The following PDE10A variants were observed in gnomAD, a reference collection of about 807,000 sequenced individuals.
PDE10A encodes the protein cAMP and cAMP-inhibited cGMP 3',5'-cyclic phosphodiesterase 10A.
In PDE10A, 39 loss-of-function variants were observed where a neutral mutation model predicts 97.7. The observed-to-expected ratio is 0.40, with a 90% CI of 0.31 to 0.52. The LOEUF (loss-of-function observed/expected upper bound fraction) is 0.52, where lower values mean the gene tolerates loss of function less well. PDE10A is among the 20% of genes least tolerant of loss of function. PDE10A has a pLI of 0.56. For synonymous variants in PDE10A, 371 were observed against 376.8 expected (o/e 0.98, Z 0.18); for missense variants, 731 against 1,047.8 (o/e 0.70, Z 4.17).
chr6:165,501,422 G>C (rs1371966343), intron 2 of PDE10A, among the ~76,000 whole-genome samples: 2 of 152,078 alleles, frequency 1.3e-5, no homozygotes, highest in East Asian at 1.9e-4. Flanking sequence ...TTAGCCAGGC[G>C]TGGTGGCGGG....
chr6:165,495,955 A>G (rs1377765114), intron 2 of PDE10A, among the ~76,000 whole-genome samples: 1 of 152,014 alleles, frequency 6.6e-6, no homozygotes, highest in Non-Finnish European at 1.5e-5. Flanking sequence ...TAACTATATC[A>G]TACAGCGAGT....
chr6:165,521,901 C>T (rs1782149740), intron 2 of PDE10A, among the ~76,000 whole-genome samples: 2 of 152,164 alleles, frequency 1.3e-5, no homozygotes. Context: ...AATTTGACTA[C>T]TCATATAAGT....
intron 1 of PDE10A, among the ~76,000 whole-genome samples, chr6:165,577,056 T>C (rs765166649): frequency 2.6e-5 from 4 of 152,190 alleles, no homozygotes; most frequent in Non-Finnish European, 5.9e-5. Flanking sequence ...ATTAGCAAAG[T>C]GGGAAGGGTA....
chr6:165,406,420 A>G (rs1196438433), intron 13 of PDE10A, among the ~76,000 whole-genome samples: 1 of 152,188 alleles, frequency 6.6e-6, no homozygotes, highest in African/African-American at 2.4e-5. Context: ...ATCATCTATA[A>G]TTACAAATTT....
At chr6:165,621,339 T>G (rs1402409224) in intron 1 of PDE10A, among the ~76,000 whole-genome samples, 1 of 151,792 alleles carries the variant, frequency 6.6e-6, no homozygotes, top group African/African-American at 2.4e-5. Context: ...TTTAAAGCAT[T>G]GCCTATAATG....
chr6:165,809,813 C>A (rs1040973787), intron 1 of PDE10A, among the ~76,000 whole-genome samples: 1 of 152,294 alleles, frequency 6.6e-6, no homozygotes. Context: ...CTGGAACGGG[C>A]GGCATCAGGG....
At chr6:165,432,898 T>C in intron 7 of PDE10A, 76 bp downstream of exon 7, 2 of 1,017,596 alleles carry the variant, frequency 2.0e-6, no homozygotes, top group Non-Finnish European at 3.0e-6. Context: ...TTAGTATTAC[T>C]TAGCAATACT....
intron 1 of PDE10A, among the ~76,000 whole-genome samples, chr6:165,721,251 C>G (rs1027702481): frequency 6.6e-6 from 1 of 152,172 alleles, no homozygotes; most frequent in African/African-American, 2.4e-5. Context: ...GAAGTGTTTA[C>G]GATTTAATGC....
chr6:165,677,149 C>T (rs1002860895), intron 1 of PDE10A, among the ~76,000 whole-genome samples: 3 of 152,212 alleles, frequency 2.0e-5, no homozygotes. Flanking sequence ...AACGTTAGAT[C>T]CGTCAACTTT....
intron 1 of PDE10A, among the ~76,000 whole-genome samples, chr6:165,698,760 G>A (rs1403701620): frequency 1.3e-5 from 2 of 152,176 alleles, no homozygotes; most frequent in South Asian, 2.1e-4. Context: ...TGAATTGTTT[G>A]AACCCAGGAG....
chr6:165,361,113 G>A (rs1200350042), intron 18 of PDE10A, among the ~76,000 whole-genome samples: 2 of 152,152 alleles, frequency 1.3e-5, no homozygotes, highest in African/African-American at 2.4e-5. Context: ...ATAATCTTAT[G>A]TGTGTACAGA....
chr6:165,935,838 C>T (rs1306184843), intron 1 of PDE10A, among the ~76,000 whole-genome samples: 1 of 152,180 alleles, frequency 6.6e-6, no homozygotes, highest in Non-Finnish European at 1.5e-5. Flanking sequence ...CTATCTGATG[C>T]CTTCCACCAT....
intron 1 of PDE10A, among the ~76,000 whole-genome samples, chr6:165,796,382 G>A (rs138387193): frequency 0.022 from 3,372 of 152,144 alleles, 44 homozygotes; most frequent in Middle Eastern, 0.085. Context: ...CACCGCACCT[G>A]GCCTGCACAT....
rs543213302 is a variant in PDE10A at position 165,464,384 on chromosome 6, C to G, written c.1024-14022G>C. 3.3e-5 allele frequency among the ~76,000 whole-genome samples: 5 copies of G among 152,268 alleles called. No individual in the cohort carries two copies. The East Asian group carries it at 9.6e-4, about 29-fold the overall frequency. On this transcript the variant is annotated intron_variant, in intron 3 of 21. Transcript: ENST00000539869. ...TTTCCATATTTGTAATTACCTCACC[C>G]AACATGTGAAATCTGGCTGTCAATA... is the stretch of plus-strand genomic sequence containing the variant.
intron 1 of PDE10A, among the ~76,000 whole-genome samples, chr6:165,960,893 G>GC (rs1341538646): frequency 6.6e-6 from 1 of 152,150 alleles, no homozygotes; most frequent in Admixed American, 6.5e-5. Context: ...CTCTGCGCTG[G>GC]CCCCCAGGAG....
At chr6:165,727,313 C>T (rs543419174) in intron 1 of PDE10A, among the ~76,000 whole-genome samples, 3 of 152,326 alleles carry the variant, frequency 2.0e-5, no homozygotes, top group Non-Finnish European at 2.9e-5. Context: ...GCTTCTGGCT[C>T]ACAAGCTTAT....
chr6:165,971,435 T>C lies in PDE10A; in HGVS notation c.-615+16094A>G, dbSNP rs1301219028. Among the ~76,000 whole-genome samples the C allele has an allele frequency of 2.0e-5, 3 of 152,140 alleles. No homozygotes were observed. In the East Asian group the frequency reaches 5.8e-4, roughly 29 times the overall value. ...CATGCCACACCTTCTTACCTTCCTA[T>C]AAGACTGAAAATTCCTTCAGGGCTG... On this transcript the variant is annotated intron_variant, in intron 1 of 19. Coordinates refer to the PDE10A transcript ENST00000366882.
chr6:165,756,343 T>C (rs938660174), intron 1 of PDE10A, among the ~76,000 whole-genome samples: 3 of 152,134 alleles, frequency 2.0e-5, no homozygotes, highest in Non-Finnish European at 4.4e-5. Context: ...TTTTTAAAAA[T>C]TATAAAAACT....
chr6:165,817,504 G>A (rs141604683), intron 1 of PDE10A, among the ~76,000 whole-genome samples: 1 of 152,210 alleles, frequency 6.6e-6, no homozygotes, highest in African/African-American at 2.4e-5. Context: ...GGTTGGGTTG[G>A]GTGGTTAAGC....
Sources: gnomAD v4.1 joint callset for allele counts (sites outside exome capture counted in the v4.1 genomes callset) on GRCh38, gnomAD v4.1.1 for gene constraint, MANE v1.5 for transcripts, NCBI Gene and HGNC (gene_info 2026-07-23, HGNC 2026-07-21) for gene names.